SYCE2: variants seen among roughly 807,000 people sequenced by gnomAD.
SYCE2 encodes the protein synaptonemal complex central element protein 2, also known as central element synaptonemal complex 1.
A neutral mutation model predicts 27.9 loss-of-function variants in SYCE2; 3 were observed. The ratio of observed to expected loss-of-function variants is 0.11; its 90% CI spans 0.05 to 0.28. The LOEUF (loss-of-function observed/expected upper bound fraction) is 0.28. Among genes scored for constraint, SYCE2 ranks in the 10% least tolerant of loss-of-function variants. The probability of loss-of-function intolerance (pLI) is 1.00; values close to 1 mark genes in which losing one functional copy is unlikely to be tolerated. For synonymous variants in SYCE2, 85 were observed against 100.7 expected (o/e 0.84, Z 0.93); for missense variants, 207 against 263.5 (o/e 0.79, Z 1.48).
At chr19:12,915,837 A>G (rs768570576) in intron 2 of SYCE2, among the ~76,000 whole-genome samples, 1 of 151,308 alleles carries the variant, frequency 6.6e-6, no homozygotes, top group Non-Finnish European at 1.5e-5. Context: ...TCTTCTCTCA[A>G]CCCCTCCTTC....
rs71168634 is a variant in SYCE2, at chr19:12,915,601, C to CAAA, written c.131+2618_131+2620dup. On this transcript the variant is annotated intron_variant, in intron 2 of 5. Transcript: ENST00000293695. ...TGGGCAACAGAGCGAGACTCCATCT[C>CAAA]AAAAAAAAAAAAAAAAAAGGTGAAC... is the stretch of plus-strand genomic sequence containing the variant. Among the ~76,000 whole-genome samples, 21 of 81,218 alleles carry CAAA rather than the reference C, an allele frequency of 2.6e-4. 2 individuals are homozygous for CAAA. The South Asian group carries it at 2.9e-3, about 11-fold the overall frequency. The allele number at this position is 81,218 out of a possible 152,430, so 53.3% of individuals were successfully genotyped here.
chr19:12,908,179 C>T (rs1017494587), intron 2 of SYCE2, among the ~76,000 whole-genome samples: 2 of 151,752 alleles, frequency 1.3e-5, no homozygotes, highest in Non-Finnish European at 2.9e-5. Flanking sequence ...ACATATACAC[C>T]CCTCCCCTCT....
At chr19:12,912,579 G>C (rs991054638) in intron 2 of SYCE2, among the ~76,000 whole-genome samples, 1 of 152,142 alleles carries the variant, frequency 6.6e-6, no homozygotes, top group African/African-American at 2.4e-5. Context: ...CTCGTACCCA[G>C]TTCACCTTGT....
chr19:12,904,734 G>A lies in SYCE2; in HGVS notation c.132-68C>T, dbSNP rs571935893. On this transcript the variant is annotated intron_variant, in intron 2 of 5. Transcript: ENST00000293695. ...GTACAGGAAGCGGCCAGGTGTAGTC[G>A]CTCATGCCTGTAATCTCAGCACTTT... The A allele has an allele frequency of 6.0e-5, 94 of 1,562,992 alleles. No homozygotes were observed. The Middle Eastern group carries it at 9.3e-4, about 15-fold the overall frequency.
At chr19:12,901,169 A>T (rs146810341) in intron 3 of SYCE2, among the ~76,000 whole-genome samples, 7 of 140,752 alleles carry the variant, frequency 5.0e-5, no homozygotes, top group Admixed American at 7.3e-5. Flanking sequence ...ACTCCATCTC[A>T]AAATAAATAA....
intron 3 of SYCE2, 29 bp downstream of exon 3, chr19:12,904,463 C>A (rs750646352): frequency 3.7e-6 from 6 of 1,613,070 alleles, no homozygotes; most frequent in Non-Finnish European, 5.1e-6. Flanking sequence ...CATAAGGAAT[C>A]CCCCCTCTCG....
intron 2 of SYCE2, among the ~76,000 whole-genome samples, chr19:12,915,733 C>G (rs1971126921): frequency 6.6e-6 from 1 of 152,142 alleles, no homozygotes; most frequent in African/African-American, 2.4e-5. Flanking sequence ...GCAGCCCTCC[C>G]CTTGCACTCA....
At chr19:12,908,387 T>C (rs1356352591) in intron 2 of SYCE2, among the ~76,000 whole-genome samples, 1 of 151,046 alleles carries the variant, frequency 6.6e-6, no homozygotes, top group Admixed American at 6.6e-5. Flanking sequence ...TGCACTGGCA[T>C]GATCTCAGCT....
chr19:12,912,109 T>C (rs1006716978), intron 2 of SYCE2, among the ~76,000 whole-genome samples: 3 of 151,246 alleles, frequency 2.0e-5, no homozygotes, highest in African/African-American at 7.4e-5. Context: ...AGCTAACTTT[T>C]GTATTTTTAG....
chr19:12,917,065 C>CTTTTT (rs774437768), intron 2 of SYCE2, among the ~76,000 whole-genome samples: 1 of 128,518 alleles, frequency 7.8e-6, no homozygotes, highest in Non-Finnish European at 1.7e-5. Context: ...TATATATATA[C>CTTTTT]TTTTTTTTTT....
chr19:12,916,108 C>T (rs112461652), intron 2 of SYCE2, among the ~76,000 whole-genome samples: 7,427 of 149,836 alleles, frequency 0.05, 661 homozygotes, highest in African/African-American at 0.18. Flanking sequence ...CTCACTCTGT[C>T]ACCCAGGATG....
At chr19:12,901,575 A>C (rs1970839945) in intron 3 of SYCE2, among the ~76,000 whole-genome samples, 1 of 152,076 alleles carries the variant, frequency 6.6e-6, no homozygotes, top group Non-Finnish European at 1.5e-5. Flanking sequence ...CAGTGCAGTG[A>C]CTGGGGGTCA....
chr19:12,907,759 C>G (rs1970963903), intron 2 of SYCE2, among the ~76,000 whole-genome samples: 1 of 151,794 alleles, frequency 6.6e-6, no homozygotes. Flanking sequence ...CCACTGCACT[C>G]CAGCCTGGGC....
At chr19:12,903,665 G>A (rs1044383460) in intron 3 of SYCE2, among the ~76,000 whole-genome samples, 5 of 151,954 alleles carry the variant, frequency 3.3e-5, no homozygotes, top group Non-Finnish European at 7.4e-5. Flanking sequence ...GATTATAGGC[G>A]TGAGCCACCA....
rs148091111 is a variant in SYCE2, at chr19:12,899,490, G to A, written c.613-105C>T. On this transcript the variant is annotated intron_variant, in intron 5 of 5. Coordinates refer to ENST00000293695, the MANE Select transcript of SYCE2 (RefSeq NM_001105578.2). The stretch of plus-strand genomic sequence containing the variant: ...CAGGTACACATGACATTCACGCCCT[G>A]ATCCTTGGGAGAGCTATCACGGGAA... The A allele has an allele frequency of 2.5e-6, 4 of 1,614,080 alleles. No homozygotes were observed. The highest frequency in any genetic ancestry group is 1.3e-5 in the African/African-American group (1 of 74,924).
chr19:12,900,901 C>T (rs991753454), intron 3 of SYCE2, among the ~76,000 whole-genome samples: 9 of 152,038 alleles, frequency 5.9e-5, no homozygotes, highest in African/African-American at 9.7e-5. Flanking sequence ...AAAGCTAGGA[C>T]GGGTGTGGTG....
intron 5 of SYCE2, 22 bp from the exon 6 acceptor site, chr19:12,899,407 T>C: frequency 6.2e-7 from 1 of 1,614,122 alleles, no homozygotes; most frequent in South Asian, 1.1e-5. Context: ...TGAAAATTGA[T>C]TTTAAAGGGA....
chr19:12,904,746 A>G (rs1417360874), intron 2 of SYCE2, 80 bp from the exon 3 acceptor site: 2 of 1,524,238 alleles, frequency 1.3e-6, no homozygotes, highest in Non-Finnish European at 1.8e-6. Flanking sequence ...TCATGCCTGT[A>G]ATCTCAGCAC....
At chr19:12,906,752 C>A (rs1258901508) in intron 2 of SYCE2, among the ~76,000 whole-genome samples, 1 of 151,978 alleles carries the variant, frequency 6.6e-6, no homozygotes, top group African/African-American at 2.4e-5. Flanking sequence ...ACTAAAAACA[C>A]AAAAAATTAG....
Sources: gnomAD v4.1 joint callset for allele counts (sites outside exome capture counted in the v4.1 genomes callset) on GRCh38, gnomAD v4.1.1 for gene constraint, MANE v1.5 for transcripts, NCBI Gene and HGNC (gene_info 2026-07-23, HGNC 2026-07-21) for gene names.